Variants in GLIS3 observed in about 807,000 individuals in gnomAD.
GLIS3 encodes the protein GLIS family zinc finger 3.
A neutral mutation model predicts 78.6 loss-of-function variants in GLIS3; 53 were observed. That is an observed-to-expected ratio of 0.67 (90% CI 0.54 to 0.85). GLIS3 has a LOEUF of 0.85. GLIS3 is among the 40% of genes least tolerant of loss of function. The pLI is 0.00. For synonymous variants in GLIS3, 684 were observed against 509.9 expected, an observed-to-expected ratio of 1.34 and a Z score of -4.60; for missense variants, 1,703 against 1,231.1, an observed-to-expected ratio of 1.38 and a Z score of -5.74.
intron 4 of GLIS3, among the ~76,000 whole-genome samples, chr9:4,065,348 T>G (rs1398076139): frequency 1.3e-5 from 2 of 152,254 alleles, no homozygotes; most frequent in African/African-American, 4.8e-5. Context: ...GGTTATTTTT[T>G]AAGTACTATA....
intron 2 of GLIS3, among the ~76,000 whole-genome samples, chr9:4,185,810 G>A (rs1349604163): frequency 2.0e-5 from 3 of 151,970 alleles, no homozygotes; most frequent in African/African-American, 4.8e-5. Flanking sequence ...CTTTCATTTG[G>A]CCTCTTGCAA....
At chr9:4,424,267 C>T in the GLIS3 span, among the ~76,000 whole-genome samples, 4 of 152,258 alleles carry the variant, frequency 2.6e-5, no homozygotes, top group Middle Eastern at 3.4e-3. Context: ...ATGACCCCAA[C>T]CTGTTTTCAC....
At chr9:4,040,796 G>A (rs538391873) in intron 4 of GLIS3, among the ~76,000 whole-genome samples, 1 of 152,312 alleles carries the variant, frequency 6.6e-6, no homozygotes, top group East Asian at 1.9e-4. Context: ...TTCAAGTGGT[G>A]CTGTCAACTG....
chr9:4,401,606 C>T, the GLIS3 span, among the ~76,000 whole-genome samples: 59 of 133,074 alleles, frequency 4.4e-4, no homozygotes, highest in East Asian at 1.1e-3. Context: ...CTCACTCTGT[C>T]GCCCAGGCTG....
At chr9:4,194,290 G>T (rs1346262012) in intron 2 of GLIS3, among the ~76,000 whole-genome samples, 2 of 152,164 alleles carry the variant, frequency 1.3e-5, no homozygotes, top group African/African-American at 4.8e-5. Context: ...AAACTCCTGA[G>T]CTCAGGCAAT....
chr9:4,181,680 G>C (rs141537893), intron 2 of GLIS3, among the ~76,000 whole-genome samples: 1 of 152,218 alleles, frequency 6.6e-6, no homozygotes. Context: ...CTTTGAAGCC[G>C]TACTTCACTG....
rs547627803 is a variant in GLIS3 at position 4,156,268 on chromosome 9, A to G, written c.389-30327T>C. On this transcript the variant is annotated intron_variant, in intron 2 of 10. Transcript: ENST00000381971. Reference sequence around the variant, plus strand: ...CCTCCCTTCTTCCTCCATTATCTTAATTCTTTAATGCAGTCTCTGCCCTTT... The same window carrying G: ...CCTCCCTTCTTCCTCCATTATCTTAGTTCTTTAATGCAGTCTCTGCCCTTT... Among the ~76,000 whole-genome samples the G allele has an allele frequency of 1.8e-3, 272 of 152,142 alleles. 2 individuals are homozygous for G. The highest frequency in any genetic ancestry group is 6.4e-3 in the African/African-American group (265 of 41,492).
intron 2 of GLIS3, among the ~76,000 whole-genome samples, chr9:4,346,413 A>G (rs1048184707): frequency 2.0e-5 from 3 of 152,216 alleles, no homozygotes; most frequent in Admixed American, 2.0e-4. Flanking sequence ...GAAGCATTAA[A>G]ACTCATTGAT....
the GLIS3 span, among the ~76,000 whole-genome samples, chr9:4,356,428 A>T: frequency 3.9e-5 from 6 of 152,248 alleles, no homozygotes; most frequent in African/African-American, 1.4e-4. Flanking sequence ...CTGGCCTCAG[A>T]AAAGTTGTAT....
upstream of GLIS3, among the ~76,000 whole-genome samples, chr9:4,301,262 G>C (rs1352167161): frequency 6.6e-6 from 1 of 152,200 alleles, no homozygotes; most frequent in South Asian, 2.1e-4. Flanking sequence ...ATGAAAAATA[G>C]TAAGAGGTCA....
At chr9:3,933,645 G>C (rs917444826) in intron 5 of GLIS3, among the ~76,000 whole-genome samples, 5 of 152,182 alleles carry the variant, frequency 3.3e-5, no homozygotes, top group African/African-American at 9.6e-5. Flanking sequence ...GTAAGGAAGA[G>C]ACCTGAAACC....
intron 1 of GLIS3, among the ~76,000 whole-genome samples, chr9:4,291,368 T>C (rs571131720): frequency 3.9e-5 from 6 of 152,252 alleles, no homozygotes; most frequent in East Asian, 3.9e-4. Flanking sequence ...CCTCACCTAA[T>C]AGAAACTCTG....
intron 2 of GLIS3, among the ~76,000 whole-genome samples, chr9:4,225,498 A>G (rs1196082791): frequency 6.6e-6 from 1 of 152,228 alleles, no homozygotes; most frequent in East Asian, 1.9e-4. Context: ...CTAACGAGGA[A>G]CATAAATGCT....
chr9:4,478,929 A>T, the GLIS3 span, among the ~76,000 whole-genome samples: 2 of 152,224 alleles, frequency 1.3e-5, no homozygotes, highest in Admixed American at 6.5e-5. Context: ...AAACCTCTAC[A>T]TCTAACTACC....
At chr9:4,162,854 CAAAAAAAAAAAA>C (rs35310357) in intron 2 of GLIS3, among the ~76,000 whole-genome samples, 4 of 73,878 alleles carry the variant, frequency 5.4e-5, no homozygotes, top group Admixed American at 1.7e-4. Context: ...CTCGCTCTGT[CAAAAAAAAAAAA>C]AAAAAAAAAA....
chr9:4,334,286 G>C (rs754981915), intron 2 of GLIS3, among the ~76,000 whole-genome samples: 2 of 152,176 alleles, frequency 1.3e-5, no homozygotes, highest in Non-Finnish European at 2.9e-5. Context: ...ATAACATTCA[G>C]TCCTTCTACA....
intron 2 of GLIS3, among the ~76,000 whole-genome samples, chr9:4,284,413 A>G (rs901865429): frequency 6.6e-6 from 1 of 152,150 alleles, no homozygotes; most frequent in Non-Finnish European, 1.5e-5. Context: ...TCGGGCCTCA[A>G]CCCCTGAAAA....
chr9:3,855,491 A>G (rs1027273493), intron 9 of GLIS3: 1 of 183,054 alleles, frequency 5.5e-6, no homozygotes, highest in Middle Eastern at 2.6e-3. Context: ...TAGAGGAAGC[A>G]TAAATACTAC....
At chr9:4,384,196 C>T in the GLIS3 span, among the ~76,000 whole-genome samples, 1 of 152,210 alleles carries the variant, frequency 6.6e-6, no homozygotes. Flanking sequence ...GTGGAGCACA[C>T]TGGTGGTGAA....
Sources: allele counts gnomAD v4.1 joint callset (sites outside exome capture counted in the v4.1 genomes callset), GRCh38; gene constraint gnomAD v4.1.1; transcripts MANE v1.5; gene names NCBI Gene and HGNC (gene_info 2026-07-23, HGNC 2026-07-21).